ATP2C2: variants seen among roughly 807,000 people sequenced by gnomAD.
ATP2C2 encodes calcium-transporting ATPase type 2C member 2.
ATP2C2 carries 171 observed loss-of-function variants against 110.8 expected under a neutral mutation model. That is an observed-to-expected ratio of 1.54 (90% CI 1.36 to 1.75). The LOEUF (loss-of-function observed/expected upper bound fraction) is 1.75. Ranked by LOEUF, ATP2C2 falls within the 40% of genes most tolerant of loss-of-function variation. ATP2C2 has a pLI of 0.00. For missense variants in ATP2C2, 1,963 were observed against 1,235.0 expected, an observed-to-expected ratio of 1.59 and a Z score of -8.84; for synonymous variants, 804 against 508.4, an observed-to-expected ratio of 1.58 and a Z score of -7.82.
chr16:84,410,239 C>G (rs945459795), intron 4 of ATP2C2, among the ~76,000 whole-genome samples: 3 of 152,076 alleles, frequency 2.0e-5, no homozygotes, highest in South Asian at 2.1e-4. Context: ...AGTTCCACAT[C>G]TGCTATGGAG....
At chr16:84,393,429 C>G (rs1427148319) in intron 1 of ATP2C2, among the ~76,000 whole-genome samples, 2 of 152,054 alleles carry the variant, frequency 1.3e-5, no homozygotes, top group African/African-American at 4.8e-5. Context: ...TGAGGCAGAG[C>G]AAGCCCTCAC....
intron 1 of ATP2C2, among the ~76,000 whole-genome samples, chr16:84,373,006 G>C (rs1910042968): frequency 1.3e-5 from 2 of 151,464 alleles, no homozygotes; most frequent in African/African-American, 2.4e-5. Context: ...TGTAATCCCA[G>C]CTACTGCGGA....
intron 1 of ATP2C2, among the ~76,000 whole-genome samples, chr16:84,396,356 G>C (rs1383919438): frequency 6.6e-6 from 1 of 151,862 alleles, no homozygotes; most frequent in Non-Finnish European, 1.5e-5. Context: ...GACCAGCCTG[G>C]CCAACCTGGT....
At chr16:84,443,834 C>T (rs1909491734) in intron 15 of ATP2C2, among the ~76,000 whole-genome samples, 1 of 152,054 alleles carries the variant, frequency 6.6e-6, no homozygotes, top group Non-Finnish European at 1.5e-5. Flanking sequence ...CTCATAAGCC[C>T]CCGTGTTGGT....
chr16:84,446,140 A>G (rs989365466), intron 15 of ATP2C2, among the ~76,000 whole-genome samples, 189 bp from the exon 16 acceptor site: 54 of 148,138 alleles, frequency 3.6e-4, no homozygotes, highest in African/African-American at 1.3e-3. Context: ...TTCAGCCAAG[A>G]GAAGAGACTT....
At chr16:84,384,778 G>C (rs774602118) in intron 1 of ATP2C2, among the ~76,000 whole-genome samples, 1 of 152,198 alleles carries the variant, frequency 6.6e-6, no homozygotes, top group African/African-American at 2.4e-5. Flanking sequence ...AGCCGGGCAT[G>C]GTGGCTCATG....
intron 11 of ATP2C2, among the ~76,000 whole-genome samples, chr16:84,435,824 C>G (rs1265970893): frequency 3.8e-5 from 2 of 52,004 alleles, no homozygotes; most frequent in Admixed American, 1.7e-4. Flanking sequence ...AAGAACCTGC[C>G]TCAAAAAAAA....
chr16:84,459,418 T>C (rs1187791538), intron 23 of ATP2C2, 32 bp downstream of exon 23: 3 of 1,609,294 alleles, frequency 1.9e-6, no homozygotes, highest in Middle Eastern at 1.7e-4. Flanking sequence ...GCCCTGTGTC[T>C]CTTTACCCAC....
chr16:84,374,775 T>C (rs1275616420), intron 1 of ATP2C2, among the ~76,000 whole-genome samples: 1 of 152,194 alleles, frequency 6.6e-6, no homozygotes, highest in Non-Finnish European at 1.5e-5. Flanking sequence ...GCAGCTGCTA[T>C]ATCTTCAAGG....
At chr16:84,434,027 G>C (rs1016070633) in intron 11 of ATP2C2, among the ~76,000 whole-genome samples, 1 of 152,310 alleles carries the variant, frequency 6.6e-6, no homozygotes, top group Middle Eastern at 3.4e-3. Flanking sequence ...GAAAGCCACT[G>C]AGTCAGAAGG....
chr16:84,412,500 ATATGTGTCTG>A (rs1388202502), intron 6 of ATP2C2, among the ~76,000 whole-genome samples: 1 of 116,624 alleles, frequency 8.6e-6, no homozygotes, highest in Non-Finnish European at 1.8e-5. Flanking sequence ...GCATGTGTGT[ATATGTGTCTG>A]TGTGTGTCTG....
At chr16:84,446,466 C>G (rs756818392) in intron 16 of ATP2C2, 36 bp downstream of exon 16, 2 of 1,466,390 alleles carry the variant, frequency 1.4e-6, no homozygotes, top group African/African-American at 1.4e-5. Context: ...TTCTCTCTTT[C>G]TGCCCGGGCC....
rs571714004 is a variant in ATP2C2 at position 84,423,285 on chromosome 16, C to G, written c.919+22C>G. On this transcript the variant is annotated intron_variant, in intron 10 of 26. Transcript: ENST00000262429. ...ATCGGTGAGTGAAGCAGTTTCCATA[C>G]TGGGTTTGTTCTGCAGATGGAGGGG... The G allele has an allele frequency of 9.3e-6, 15 of 1,607,834 alleles. No homozygotes were observed. In the South Asian group the frequency reaches 1.2e-4, roughly 13 times the overall value.
At chr16:84,436,765 T>TTC (rs1555563552) in intron 11 of ATP2C2, among the ~76,000 whole-genome samples, 1 of 148,546 alleles carries the variant, frequency 6.7e-6, no homozygotes, top group East Asian at 2.0e-4. Context: ...CGAAGGCTGT[T>TTC]TTTTTTTTTT....
rs573608301 is a variant in ATP2C2, at chr16:84,369,862, A to G, written c.99+1148A>G. Among the ~76,000 whole-genome samples, 8 of 152,344 alleles carry G rather than the reference A, an allele frequency of 5.3e-5. No homozygotes were observed. In the East Asian group the frequency reaches 1.4e-3, roughly 26 times the overall value. ...TGGTAGGCCACAGGACCACGTAACT[A>G]GCAGTTTTTGAGCAATCTCGATTTT... On this transcript the variant is annotated intron_variant, in intron 1 of 26. Coordinates refer to ENST00000262429, the MANE Select transcript of ATP2C2 (RefSeq NM_014861.4).
chr16:84,407,631 C>T (rs953253577), intron 3 of ATP2C2, among the ~76,000 whole-genome samples: 5 of 152,050 alleles, frequency 3.3e-5, no homozygotes, highest in Non-Finnish European at 5.9e-5. Flanking sequence ...TCACCATGCC[C>T]AGCTCATTTT....
At chr16:84,416,824 G>A (rs570068626) in intron 7 of ATP2C2, among the ~76,000 whole-genome samples, 3 of 152,280 alleles carry the variant, frequency 2.0e-5, no homozygotes, top group South Asian at 4.2e-4. Flanking sequence ...GCATGGATCC[G>A]GTCAGAGGAA....
At chr16:84,462,212 AGGAGGGGTCAGTGCG>A in intron 26 of ATP2C2, 83 bp downstream of exon 26, 1 of 1,540,068 alleles carries the variant, frequency 6.5e-7, no homozygotes, top group Non-Finnish European at 8.8e-7. Flanking sequence ...GCTGCAGCCC[AGGAGGGGTCAGTGCG>A]GGAAAGCAGA....
At chr16:84,378,662 T>G (rs1910391863) in intron 1 of ATP2C2, among the ~76,000 whole-genome samples, 1 of 152,242 alleles carries the variant, frequency 6.6e-6, no homozygotes, top group Non-Finnish European at 1.5e-5. Context: ...TTGGGTCATG[T>G]GCTAGGCGCT....
Sources: gnomAD v4.1 joint callset for allele counts (sites outside exome capture counted in the v4.1 genomes callset) on GRCh38, gnomAD v4.1.1 for gene constraint, MANE v1.5 for transcripts, NCBI Gene and HGNC (gene_info 2026-07-23, HGNC 2026-07-21) for gene names.